The following PALS1 variants were observed in gnomAD, a reference collection of about 807,000 sequenced individuals.
The protein encoded by PALS1 is protein associated with LIN7 1, MAGUK p55 family member, also known as protein PALS1.
In PALS1, 31 loss-of-function variants were observed where a neutral mutation model predicts 78.9. The ratio of observed to expected loss-of-function variants is 0.39; its 90% CI spans 0.30 to 0.53. The LOEUF (loss-of-function observed/expected upper bound fraction) is 0.53, where lower values mean the gene tolerates loss of function less well. Ranked by LOEUF, PALS1 falls within the 20% of genes least tolerant of loss-of-function variation. The probability of loss-of-function intolerance (pLI) is 0.67; values close to 1 mark genes in which losing one functional copy is unlikely to be tolerated. For synonymous variants in PALS1, 276 were observed against 270.9 expected (o/e 1.02, Z -0.18); for missense variants, 704 against 826.5 (o/e 0.85, Z 1.82).
At chr14:67,261,795 A>G (rs1410534681) in intron 1 of PALS1, among the ~76,000 whole-genome samples, 2 of 152,032 alleles carry the variant, frequency 1.3e-5, no homozygotes, top group African/African-American at 4.8e-5. Flanking sequence ...TGAGCAATAG[A>G]TATCTTGTTA....
chr14:67,248,832 T>A (rs2084022943), intron 1 of PALS1, among the ~76,000 whole-genome samples: 1 of 150,744 alleles, frequency 6.6e-6, no homozygotes, highest in Non-Finnish European at 1.5e-5. Flanking sequence ...TTTATTTTAT[T>A]TTTTTGAGAT....
Position 67,293,269 on chromosome 14 carries a change from T to C in PALS1, c.576+550T>C, listed in dbSNP as rs367918981. ...AACTGGTGTTCAGTGTTTGATCTGT[T>C]ATGCAAACATCTTTTAAATTTAAGA... On this transcript the variant is annotated intron_variant, in intron 4 of 14. Coordinates refer to ENST00000261681, the MANE Select transcript of PALS1 (RefSeq NM_022474.4). 2.0e-5 allele frequency among the ~76,000 whole-genome samples: 3 copies of C among 152,308 alleles called. No individual in the cohort carries two copies. The East Asian group carries it at 5.8e-4, about 29-fold the overall frequency.
rs140574461 is a variant in PALS1, at chr14:67,249,703, A to G, written c.-237+8170A>G. On this transcript the variant is annotated intron_variant, in intron 1 of 14. Transcript: ENST00000261681. Reference sequence around the variant, plus strand: ...TCACAATTTGAGAAACTTCACACAAAAAGTTGAGGATTTTGTGTGAAAACA... The same window carrying G: ...TCACAATTTGAGAAACTTCACACAAGAAGTTGAGGATTTTGTGTGAAAACA... 1.2e-3 allele frequency among the ~76,000 whole-genome samples: 180 copies of G among 152,312 alleles called. 9 individuals are homozygous for G. In the East Asian group the frequency reaches 0.017, roughly 15 times the overall value.
At chr14:67,303,452 T>A in intron 7 of PALS1, 70 bp from the exon 8 acceptor site, 3 of 1,235,856 alleles carry the variant, frequency 2.4e-6, no homozygotes, top group Non-Finnish European at 3.6e-6. Context: ...TTAGGGAATA[T>A]AGATCATAAA....
chr14:67,256,881 C>A (rs1463189321), intron 1 of PALS1, among the ~76,000 whole-genome samples: 2 of 151,770 alleles, frequency 1.3e-5, no homozygotes, highest in African/African-American at 2.4e-5. Flanking sequence ...AATATTGATT[C>A]TTTTTACCAA....
intron 14 of PALS1, among the ~76,000 whole-genome samples, chr14:67,325,813 C>CT (rs34458766): frequency 0.16 from 22,285 of 142,860 alleles, 3,187 homozygotes; most frequent in East Asian, 0.42. Flanking sequence ...TGTTAAGCAT[C>CT]TTTTTTTTTT....
chr14:67,330,172 C>G (rs909006023), intron 14 of PALS1, among the ~76,000 whole-genome samples: 3 of 148,132 alleles, frequency 2.0e-5, no homozygotes, highest in Non-Finnish European at 4.5e-5. Flanking sequence ...TTATTATTAT[C>G]AAAAGGAATA....
At chr14:67,244,081 A>G (rs925151477) in intron 1 of PALS1, among the ~76,000 whole-genome samples, 4 of 152,180 alleles carry the variant, frequency 2.6e-5, no homozygotes, top group African/African-American at 9.7e-5. Context: ...AAATCACTTA[A>G]CTGGCAGGAT....
chr14:67,248,412 A>C (rs947857572), intron 1 of PALS1, among the ~76,000 whole-genome samples: 1 of 152,202 alleles, frequency 6.6e-6, no homozygotes, highest in Non-Finnish European at 1.5e-5. Flanking sequence ...TAATGAAGTC[A>C]GTAGAGTCAA....
At chr14:67,294,016 G>A (rs1015362379) in intron 4 of PALS1, among the ~76,000 whole-genome samples, 1 of 152,090 alleles carries the variant, frequency 6.6e-6, no homozygotes, top group Non-Finnish European at 1.5e-5. Flanking sequence ...GTTGAGAAAA[G>A]CAAAGAACTA....
intron 14 of PALS1, among the ~76,000 whole-genome samples, chr14:67,329,873 AATAAATAG>A (rs1219598435): frequency 1.0e-4 from 10 of 96,638 alleles, no homozygotes; most frequent in South Asian, 3.9e-4. Flanking sequence ...TAAATAAATA[AATAAATAG>A]ATATAGAAAC....
chr14:67,305,038 T>G (rs1396170338), intron 8 of PALS1, among the ~76,000 whole-genome samples: 5 of 152,206 alleles, frequency 3.3e-5, no homozygotes, highest in Non-Finnish European at 4.4e-5. Flanking sequence ...TGTTTACAGT[T>G]TTTTTGCAGG....
intron 3 of PALS1, among the ~76,000 whole-genome samples, chr14:67,284,561 A>AAAAAAAAC (rs2084654111): frequency 7.5e-6 from 1 of 133,992 alleles, no homozygotes; most frequent in Non-Finnish European, 1.6e-5. Context: ...AAAAAAAAAA[A>AAAAAAAAC]AAAAAAAAAA....
At chr14:67,265,813 C>T (rs1484570338) in intron 1 of PALS1, among the ~76,000 whole-genome samples, 4 of 144,692 alleles carry the variant, frequency 2.8e-5, no homozygotes, top group South Asian at 2.2e-4. Flanking sequence ...GCCAAAATCG[C>T]GCCACTGCAC....
intron 3 of PALS1, among the ~76,000 whole-genome samples, chr14:67,281,383 G>T (rs1454959403): frequency 6.6e-6 from 1 of 152,084 alleles, no homozygotes; most frequent in African/African-American, 2.4e-5. Context: ...AAAGCTAAAA[G>T]ATTACATTTT....
Position 67,302,054 on chromosome 14 carries a change from T to TA in PALS1, c.737_738insA (p.Gly247TrpfsTer18), listed in dbSNP as rs1161046809. 2.5e-6 allele frequency: 4 copies of TA among 1,609,644 alleles called. No individual in the cohort carries two copies. The highest frequency in any genetic ancestry group is 1.7e-6 in the Non-Finnish European group (2 of 1,178,020). On this transcript the variant is annotated frameshift_variant, in exon 6 of 15. Transcript: ENST00000261681. LOFTEE classifies it high-confidence loss of function. ...ACAGATGAGAGAGTTTATGAAAGTATTGGCCAGTATGGAGGAGAAACTGTA... is the reference window on the plus strand; with the variant it reads ...ACAGATGAGAGAGTTTATGAAAGTATATGGCCAGTATGGAGGAGAAACTGTA...
chr14:67,302,577 T>C lies in PALS1; in HGVS notation c.963+6T>C, dbSNP rs2084947124. ...ATGAGGTTTTTGACTTGTTGGTAAG[T>C]TGACGCAGCTAGAAGAATAATTGAT... On this transcript the variant is annotated splice_donor_region_variant and intron_variant, in intron 7 of 14. Transcript: ENST00000261681. 6.8e-7 allele frequency: 1 copy of C among 1,476,222 alleles called. No individual in the cohort carries two copies. Among genetic ancestry groups the C allele is most frequent in the African/African-American group, 1.4e-5 (1 of 69,426 alleles). 91.4% of individuals were successfully genotyped at this position (1,476,222 alleles called of 1,614,324 possible).
At chr14:67,328,156 T>A (rs2085389170) in intron 14 of PALS1, among the ~76,000 whole-genome samples, 1 of 152,238 alleles carries the variant, frequency 6.6e-6, no homozygotes, top group Non-Finnish European at 1.5e-5. Context: ...TGTTTCCGAC[T>A]TTTTAATGAT....
chr14:67,241,561 C>A, intron 1 of PALS1, 28 bp downstream of exon 1: 1 of 152,702 alleles, frequency 6.5e-6, no homozygotes, highest in Non-Finnish European at 1.5e-5. Context: ...GGCGGCTGGG[C>A]TGTAGAGATC....
Sources: allele counts gnomAD v4.1 joint callset (sites outside exome capture counted in the v4.1 genomes callset), GRCh38; gene constraint gnomAD v4.1.1; transcripts MANE v1.5; gene names NCBI Gene and HGNC (gene_info 2026-07-23, HGNC 2026-07-21).